The following SLC44A5 variants were observed in gnomAD, a reference collection of about 807,000 sequenced individuals.
The protein encoded by SLC44A5 is choline transporter-like protein 5.
Under a neutral mutation model 101.8 loss-of-function variants are expected in SLC44A5, and 57 were observed. The observed-to-expected ratio is 0.56, with a 90% CI of 0.45 to 0.70. SLC44A5 has a LOEUF of 0.70. SLC44A5 is among the 30% of genes least tolerant of loss of function. The pLI is 0.00. For missense variants in SLC44A5, 737 were observed against 853.1 expected, an observed-to-expected ratio of 0.86 and a Z score of 1.70; for synonymous variants, 281 against 290.9, an observed-to-expected ratio of 0.97 and a Z score of 0.35.
At chr1:75,711,421 A>C in the SLC44A5 span, among the ~76,000 whole-genome samples, 1 of 152,210 alleles carries the variant, frequency 6.6e-6, no homozygotes, top group African/African-American at 2.4e-5. Context: ...GTATCAACTG[A>C]AGAAAAAAAT....
the SLC44A5 span, among the ~76,000 whole-genome samples, chr1:75,657,595 G>C: frequency 1.3e-5 from 2 of 148,884 alleles, no homozygotes; most frequent in Non-Finnish European, 3.0e-5. Context: ...TCCATAAAAA[G>C]GGAAATTTTT....
chr1:75,345,896 T>C (rs932032833), intron 3 of SLC44A5, among the ~76,000 whole-genome samples: 10 of 152,072 alleles, frequency 6.6e-5, no homozygotes, highest in Non-Finnish European at 5.9e-5. Context: ...AATGAGGAAA[T>C]GGCTGTTGTA....
chr1:75,478,453 T>A (rs956486211), intron 2 of SLC44A5, among the ~76,000 whole-genome samples: 1 of 152,176 alleles, frequency 6.6e-6, no homozygotes, highest in Non-Finnish European at 1.5e-5. Context: ...AGACACAGAC[T>A]GGCAAATTGG....
intron 6 of SLC44A5, among the ~76,000 whole-genome samples, chr1:75,274,519 A>G (rs936303037): frequency 1.3e-5 from 2 of 152,076 alleles, no homozygotes; most frequent in Non-Finnish European, 2.9e-5. Flanking sequence ...AACATTGAAG[A>G]CCTTCTGGGT....
intron 5 of SLC44A5, among the ~76,000 whole-genome samples, chr1:75,281,454 C>T (rs1280877139): frequency 1.3e-5 from 2 of 151,948 alleles, no homozygotes; most frequent in Non-Finnish European, 2.9e-5. Context: ...AAAGAAAAAC[C>T]CATTTTCTGG....
the SLC44A5 span, among the ~76,000 whole-genome samples, chr1:75,678,272 G>C: frequency 6.6e-5 from 10 of 152,160 alleles, no homozygotes; most frequent in African/African-American, 2.4e-4. Flanking sequence ...AGCTCAAGGA[G>C]GCCTGCCTGC....
chr1:75,512,077 T>A (rs1015626041), intron 2 of SLC44A5, among the ~76,000 whole-genome samples: 2 of 152,116 alleles, frequency 1.3e-5, no homozygotes, highest in African/African-American at 4.8e-5. Flanking sequence ...CCTCAATAAA[T>A]GAAAATGTGC....
intron 23 of SLC44A5, among the ~76,000 whole-genome samples, chr1:75,210,276 G>T (rs1313003032): frequency 2.0e-5 from 3 of 151,808 alleles, no homozygotes; most frequent in African/African-American, 7.3e-5. Flanking sequence ...GCCCAGGCTG[G>T]TCTCAAGCTG....
intron 2 of SLC44A5, among the ~76,000 whole-genome samples, chr1:75,452,069 A>G (rs1195003262): frequency 6.6e-6 from 1 of 152,198 alleles, no homozygotes; most frequent in Non-Finnish European, 1.5e-5. Context: ...GATACTATAC[A>G]AAACAAACCC....
intron 4 of SLC44A5, among the ~76,000 whole-genome samples, chr1:75,322,705 A>G (rs978979893): frequency 6.6e-6 from 1 of 152,050 alleles, no homozygotes; most frequent in African/African-American, 2.4e-5. Flanking sequence ...TTGCTTCCTC[A>G]CTCAGCAAAA....
intron 1 of SLC44A5, among the ~76,000 whole-genome samples, chr1:75,555,580 T>C (rs1672172003): frequency 6.6e-6 from 1 of 152,006 alleles, no homozygotes; most frequent in Non-Finnish European, 1.5e-5. Flanking sequence ...GAGTGCCCGT[T>C]CAAAGCCAAG....
intron 1 of SLC44A5, among the ~76,000 whole-genome samples, chr1:75,567,730 T>G (rs1369278493): frequency 6.6e-6 from 1 of 152,086 alleles, no homozygotes; most frequent in African/African-American, 2.4e-5. Context: ...GCAAGTAATA[T>G]GCTAGAATCA....
At chr1:75,694,710 G>GTAAAATCTATGTAAAATCTA in the SLC44A5 span, among the ~76,000 whole-genome samples, 1 of 152,164 alleles carries the variant, frequency 6.6e-6, no homozygotes, top group African/African-American at 2.4e-5. Context: ...CTATGTAAAT[G>GTAAAATCTATGTAAAATCTA]TGTAATTGAT....
intron 14 of SLC44A5, 69 bp downstream of exon 14, chr1:75,222,292 A>C: frequency 8.6e-7 from 1 of 1,156,870 alleles, no homozygotes; most frequent in Non-Finnish European, 1.3e-6. Flanking sequence ...TGAGATATTT[A>C]TGCAAGGGAC....
At chr1:75,374,524 T>C (rs962470521) in intron 3 of SLC44A5, among the ~76,000 whole-genome samples, 7 of 152,168 alleles carry the variant, frequency 4.6e-5, no homozygotes, top group Admixed American at 4.6e-4. Context: ...CACTAAGGCC[T>C]GTAGACAAAC....
chr1:75,588,919 A>T (rs1570686098), intron 1 of SLC44A5, among the ~76,000 whole-genome samples: 1 of 152,230 alleles, frequency 6.6e-6, no homozygotes, highest in African/African-American at 2.4e-5. Flanking sequence ...GATAAATATT[A>T]TAACAAGTGA....
chr1:75,440,355 A>AT (rs1289865870), intron 2 of SLC44A5, among the ~76,000 whole-genome samples: 8 of 152,156 alleles, frequency 5.3e-5, no homozygotes, highest in African/African-American at 1.9e-4. Context: ...TGAAGAAGGC[A>AT]TTAAGGAAAA....
At chr1:75,664,153 T>C in the SLC44A5 span, among the ~76,000 whole-genome samples, 1 of 151,968 alleles carries the variant, frequency 6.6e-6, no homozygotes, top group Non-Finnish European at 1.5e-5. Flanking sequence ...CAAAAGAATA[T>C]ACCTCAGTAA....
chr1:75,484,977 T>C (rs914658967), intron 2 of SLC44A5, among the ~76,000 whole-genome samples: 2 of 152,238 alleles, frequency 1.3e-5, no homozygotes, highest in Admixed American at 6.5e-5. Context: ...GCCATGGGCC[T>C]GGCCCACAAA....
Sources: gnomAD v4.1 joint callset for allele counts (sites outside exome capture counted in the v4.1 genomes callset) on GRCh38, gnomAD v4.1.1 for gene constraint, MANE v1.5 for transcripts, NCBI Gene and HGNC (gene_info 2026-07-23, HGNC 2026-07-21) for gene names.